CDC42BPA: variants seen among roughly 807,000 people sequenced by gnomAD.
CDC42BPA encodes the protein serine/threonine-protein kinase MRCK alpha.
A neutral mutation model predicts 223.5 loss-of-function variants in CDC42BPA; 80 were observed. The ratio of observed to expected loss-of-function variants is 0.36; its 90% confidence interval spans 0.30 to 0.43. CDC42BPA has a LOEUF of 0.43. Among genes scored for constraint, CDC42BPA ranks in the 20% least tolerant of loss-of-function variants. The pLI is 1.00. For synonymous variants in CDC42BPA, 694 were observed against 718.6 expected (o/e 0.97, Z 0.55); for missense variants, 1,743 against 2,099.9 (o/e 0.83, Z 3.32).
intron 33 of CDC42BPA, among the ~76,000 whole-genome samples, chr1:227,016,593 C>G (rs1411333201): frequency 6.6e-6 from 1 of 152,124 alleles, no homozygotes; most frequent in African/African-American, 2.4e-5. Context: ...GTCTGAACTT[C>G]TTAGACATAT....
chr1:227,018,337 T>C (rs1953012), intron 32 of CDC42BPA, among the ~76,000 whole-genome samples: 83,734 of 151,894 alleles, frequency 0.55, 23,696 homozygotes, highest in Non-Finnish European at 0.63. Flanking sequence ...AGGCAGAGGG[T>C]TGCAGGAACA....
chr1:227,231,749 T>G (rs1678013357), intron 2 of CDC42BPA, among the ~76,000 whole-genome samples: 1 of 152,124 alleles, frequency 6.6e-6, no homozygotes, highest in Non-Finnish European at 1.5e-5. Context: ...GATGAGCATT[T>G]TTTCATGTGT....
At chr1:227,093,236 A>G (rs1052164938) in intron 15 of CDC42BPA, among the ~76,000 whole-genome samples, 5 of 152,176 alleles carry the variant, frequency 3.3e-5, no homozygotes, top group African/African-American at 9.7e-5. Flanking sequence ...GACTAGTCTC[A>G]AAGAATTCAT....
chr1:227,278,911 A>G (rs2148548597), intron 1 of CDC42BPA, among the ~76,000 whole-genome samples: 2 of 152,230 alleles, frequency 1.3e-5, no homozygotes, highest in Middle Eastern at 6.8e-3. Flanking sequence ...CAATATGAAG[A>G]TGTGATTTTA....
chr1:227,066,564 G>A (rs908862402), intron 21 of CDC42BPA, among the ~76,000 whole-genome samples: 17 of 152,112 alleles, frequency 1.1e-4, no homozygotes, highest in Non-Finnish European at 1.9e-4. Context: ...TCAAATGAAT[G>A]AATGATAACT....
intron 1 of CDC42BPA, among the ~76,000 whole-genome samples, chr1:227,275,922 G>A (rs1427154668): frequency 6.6e-6 from 1 of 150,946 alleles, no homozygotes; most frequent in Non-Finnish European, 1.5e-5. Flanking sequence ...TGCCCAGGCT[G>A]GAGTGCAGTG....
intron 1 of CDC42BPA, among the ~76,000 whole-genome samples, chr1:227,309,065 AT>A (rs1035569372): frequency 9.2e-5 from 14 of 152,000 alleles, no homozygotes; most frequent in African/African-American, 3.4e-4. Flanking sequence ...ATAAATCTAA[AT>A]CAGAAAAAAG....
chr1:227,076,875 T>C (rs1022202287), intron 17 of CDC42BPA, among the ~76,000 whole-genome samples: 2 of 152,120 alleles, frequency 1.3e-5, no homozygotes, highest in African/African-American at 4.8e-5. Flanking sequence ...ACTCCATACG[T>C]GTAATTGCTC....
In CDC42BPA at chr1:227,316,893, T is replaced by C. The variant is rs527831972; in HGVS notation, c.178+112A>G. The stretch of plus-strand genomic sequence containing the variant: ...ATCTTGAATAACTAGTGTCTGTTTT[T>C]TTATTGTATTTTTTCTTTGAACGGA... On this transcript the variant is annotated intron_variant, in intron 1 of 36. Coordinates refer to ENST00000366766, the MANE Select transcript of CDC42BPA (RefSeq NM_001394014.1). The C allele has an allele frequency of 1.9e-5, 15 of 778,300 alleles. No homozygotes were observed. The Admixed American group carries it at 2.2e-4, about 11-fold the overall frequency. 48.2% of individuals were successfully genotyped at this position (778,300 alleles called of 1,614,324 possible). A position where few individuals can be genotyped will look rare whatever the true frequency, so the allele number is the denominator to read the frequency against.
At position 226,990,184 on chromosome 1, in the gene CDC42BPA, C is replaced by G. The variant is rs571751948; in HGVS notation, c.*4084G>C. 6.6e-6 allele frequency: 1 copy of G among 151,962 alleles called. No homozygotes were observed. The highest frequency in any genetic ancestry group is 2.4e-5 in the African/African-American group (1 of 41,370). 9.4% of individuals were successfully genotyped at this position (151,962 alleles called of 1,614,324 possible). ...GGCCATGCAAAACTGTACAATATTA[C>G]GAGAAAAACCCTAAAAAATTTATAA... On this transcript the variant is annotated 3_prime_UTR_variant, in exon 37 of 37. Coordinates refer to ENST00000366766, the MANE Select transcript of CDC42BPA (RefSeq NM_001394014.1).
intron 1 of CDC42BPA, among the ~76,000 whole-genome samples, chr1:227,273,167 G>A (rs924664412): frequency 4.7e-4 from 71 of 152,186 alleles, no homozygotes; most frequent in African/African-American, 1.4e-3. Context: ...GCATGGTGGC[G>A]CATGCCTGTA....
In CDC42BPA at chr1:227,018,087, C is replaced by A. The variant is rs1666664564; in HGVS notation, c.4616-1037G>T. On this transcript the variant is annotated intron_variant, in intron 32 of 36. Transcript: ENST00000366766. ...TTTGAGGCAGGGTCTTGCTCTGTTG[C>A]CCAGGCTGAAGTGTAGTGGCACCAT... 4.0e-5 allele frequency among the ~76,000 whole-genome samples: 6 copies of A among 150,464 alleles called. No individual in the cohort carries two copies. The South Asian group carries it at 1.3e-3, about 31-fold the overall frequency.
intron 2 of CDC42BPA, among the ~76,000 whole-genome samples, chr1:227,251,465 C>T (rs1052247818): frequency 6.6e-6 from 1 of 151,968 alleles, no homozygotes; most frequent in African/African-American, 2.4e-5. Flanking sequence ...GATTAAAAAA[C>T]AAAATCTAAT....
chr1:227,048,205 T>C (rs577367386), intron 22 of CDC42BPA, among the ~76,000 whole-genome samples, 195 bp from the exon 23 acceptor site: 276 of 152,204 alleles, frequency 1.8e-3, no homozygotes, highest in African/African-American at 6.2e-3. Flanking sequence ...CTGCAATATC[T>C]ACGAATGAAA....
At chr1:227,135,746 C>T (rs184016335) in intron 10 of CDC42BPA, among the ~76,000 whole-genome samples, 294 of 151,580 alleles carry the variant, frequency 1.9e-3, no homozygotes, top group Non-Finnish European at 3.6e-3. Context: ...CCCAGTTACT[C>T]AGGAGGCTGA....
intron 5 of CDC42BPA, among the ~76,000 whole-genome samples, chr1:227,171,436 C>A (rs1280960350): frequency 1.3e-5 from 2 of 152,144 alleles, no homozygotes; most frequent in South Asian, 2.1e-4. Context: ...GCGTGAGCAA[C>A]CTCATCGCTA....
At chr1:227,049,233 TAAA>T (rs1176294637) in intron 22 of CDC42BPA, among the ~76,000 whole-genome samples, 1 of 150,710 alleles carries the variant, frequency 6.6e-6, no homozygotes, top group Admixed American at 6.6e-5. Flanking sequence ...TTATTAGAAT[TAAA>T]AAAAATTAAG....
At chr1:227,235,055 A>T (rs1678743599) in intron 2 of CDC42BPA, 1 of 151,836 alleles carries the variant, frequency 6.6e-6, no homozygotes, top group Admixed American at 6.6e-5. Context: ...AAGTGTAGAG[A>T]TCATGGCTGA....
intron 1 of CDC42BPA, among the ~76,000 whole-genome samples, chr1:227,273,786 T>G (rs1280129245): frequency 6.6e-6 from 1 of 150,604 alleles, no homozygotes; most frequent in East Asian, 2.0e-4. Context: ...TGTGAAATAC[T>G]GATGACACTT....
Sources: allele counts gnomAD v4.1 joint callset (sites outside exome capture counted in the v4.1 genomes callset), GRCh38; gene constraint gnomAD v4.1.1; transcripts MANE v1.5; gene names NCBI Gene and HGNC (gene_info 2026-07-23, HGNC 2026-07-21).